ZC4H2: variants seen among roughly 807,000 people sequenced by gnomAD.
ZC4H2 encodes zinc finger C4H2-type containing.
For synonymous variants in ZC4H2, 84 were observed against 66.3 expected, an observed-to-expected ratio of 1.27 and a Z score of -1.30; for missense variants, 137 against 173.9, an observed-to-expected ratio of 0.79 and a Z score of 1.19.
At chrX:64,928,745 CCTTCTT>C (rs1351703050) in intron 1 of ZC4H2, among the ~76,000 whole-genome samples, 13 of 93,583 alleles carry the variant, frequency 1.4e-4, no homozygotes, top group South Asian at 5.8e-4. Context: ...TTCTCCTTCT[CCTTCTT>C]CTTCTTTTCT....
chrX:64,972,320 C>A (rs1931809148), intron 1 of ZC4H2, among the ~76,000 whole-genome samples: 1 of 110,910 alleles, frequency 9.0e-6, no homozygotes, highest in Admixed American at 9.6e-5. Flanking sequence ...CAAATTCTGC[C>A]ATTGGTGTGA....
intron 1 of ZC4H2, among the ~76,000 whole-genome samples, chrX:64,928,644 T>TCTTCTTCTTCTA (rs1555935500): frequency 1.5e-4 from 14 of 91,943 alleles, no homozygotes; most frequent in African/African-American, 5.0e-4. Flanking sequence ...TTCTTCTTCT[T>TCTTCTTCTTCTA]CTTCTTCTTC....
intron 1 of ZC4H2, among the ~76,000 whole-genome samples, chrX:64,954,389 A>T (rs868796200): frequency 2.9e-5 from 2 of 69,916 alleles, no homozygotes; most frequent in African/African-American, 3.3e-4. Flanking sequence ...TATATTTATA[A>T]TTATATATAT....
intron 1 of ZC4H2, among the ~76,000 whole-genome samples, chrX:64,958,140 T>C (rs1232793944): frequency 8.9e-6 from 1 of 112,321 alleles, no homozygotes; most frequent in Non-Finnish European, 1.9e-5. Context: ...ACCAGTAACA[T>C]AGTCATTTGT....
intron 1 of ZC4H2, among the ~76,000 whole-genome samples, chrX:64,992,409 G>C (rs1932326450): frequency 1.8e-5 from 2 of 111,308 alleles, no homozygotes; most frequent in African/African-American, 6.5e-5. Context: ...GCTCAAATAT[G>C]CTCCAGTTTA....
chrX:64,964,945 A>T (rs1931535869), intron 1 of ZC4H2, among the ~76,000 whole-genome samples: 1 of 112,159 alleles, frequency 8.9e-6, no homozygotes, highest in African/African-American at 3.2e-5. Flanking sequence ...TTAAGGATGT[A>T]TATTATAAAC....
intron 4 of ZC4H2, chrX:64,918,802 C>T: frequency 6.7e-6 from 2 of 298,886 alleles, no homozygotes; most frequent in Non-Finnish European, 1.2e-5. Flanking sequence ...TAGAATTGCA[C>T]TCTAGCAGGG....
intron 1 of ZC4H2, among the ~76,000 whole-genome samples, chrX:64,949,646 T>C (rs1930697004): frequency 1.8e-5 from 2 of 111,895 alleles, no homozygotes; most frequent in Admixed American, 9.5e-5. Context: ...TATATGTTCC[T>C]AGTATTCTCT....
intron 1 of ZC4H2, among the ~76,000 whole-genome samples, chrX:64,998,860 C>T (rs944674651): frequency 1.8e-5 from 2 of 108,295 alleles, no homozygotes; most frequent in African/African-American, 6.7e-5. Context: ...TACTATTTTT[C>T]TTTGTCTCTT....
At chrX:64,996,343 TA>T (rs1316535983) in intron 1 of ZC4H2, among the ~76,000 whole-genome samples, 56 of 105,127 alleles carry the variant, frequency 5.3e-4, no homozygotes, top group African/African-American at 1.6e-3. Context: ...ATTACAGTGT[TA>T]AAAAAAAAAC....
intron 1 of ZC4H2, among the ~76,000 whole-genome samples, chrX:64,967,738 A>G (rs1931639457): frequency 8.9e-6 from 1 of 112,172 alleles, no homozygotes; most frequent in African/African-American, 3.2e-5. Flanking sequence ...TGGGAAAGGG[A>G]CTAGCACAAG....
chrX:64,934,219 A>T (rs935832177), intron 1 of ZC4H2, among the ~76,000 whole-genome samples: 8 of 112,426 alleles, frequency 7.1e-5, no homozygotes, highest in African/African-American at 2.6e-4. Context: ...GATTGCAGTG[A>T]CTGGAAGATT....
chrX:64,978,248 A>G (rs1932007372), upstream of ZC4H2, among the ~76,000 whole-genome samples: 1 of 112,041 alleles, frequency 8.9e-6, no homozygotes, highest in African/African-American at 3.3e-5. Flanking sequence ...GGATGTCCAC[A>G]GTGATTTTAA....
At chrX:64,950,059 G>A (rs979528064) in intron 1 of ZC4H2, among the ~76,000 whole-genome samples, 2 of 111,756 alleles carry the variant, frequency 1.8e-5, no homozygotes, top group Non-Finnish European at 3.8e-5. Flanking sequence ...CTTTGTTCAC[G>A]TTGGTTTCAA....
intron 1 of ZC4H2, among the ~76,000 whole-genome samples, chrX:65,020,083 G>A (rs1359237504): frequency 8.9e-6 from 1 of 111,875 alleles, no homozygotes; most frequent in East Asian, 2.8e-4. Flanking sequence ...AAAGTTACAG[G>A]GAGAATGGAA....
chrX:65,031,253 G>C (rs1221481835), intron 1 of ZC4H2, among the ~76,000 whole-genome samples: 1 of 112,192 alleles, frequency 8.9e-6, no homozygotes, highest in East Asian at 2.8e-4. Flanking sequence ...CATAAATACA[G>C]ATAAAATATG....
intron 1 of ZC4H2, among the ~76,000 whole-genome samples, chrX:65,018,958 G>C (rs940765177): frequency 9.0e-6 from 1 of 111,657 alleles, no homozygotes; most frequent in Non-Finnish European, 1.9e-5. Context: ...GCTCAGCAAG[G>C]CCACTGCGGC....
intron 1 of ZC4H2, among the ~76,000 whole-genome samples, chrX:64,954,318 T>TTATA (rs35605122): frequency 4.0e-4 from 25 of 62,570 alleles, no homozygotes; most frequent in South Asian, 1.9e-3. Flanking sequence ...TAAAGTATAA[T>TTATA]TATATATATA....
At chrX:64,927,467 AT>A (rs1462953922) in intron 1 of ZC4H2, among the ~76,000 whole-genome samples, 1 of 111,608 alleles carries the variant, frequency 9.0e-6, no homozygotes, top group Middle Eastern at 4.2e-3. Flanking sequence ...AAACTCATCC[AT>A]TTTTATGGCT....
Sources: allele counts gnomAD v4.1 joint callset (sites outside exome capture counted in the v4.1 genomes callset), GRCh38; gene constraint gnomAD v4.1.1; transcripts MANE v1.5; gene names NCBI Gene and HGNC (gene_info 2026-07-23, HGNC 2026-07-21).